The following SEPTIN9 variants were observed in gnomAD, a reference collection of about 807,000 sequenced individuals.
SEPTIN9 encodes septin-9.
In SEPTIN9, 13 loss-of-function variants were observed where a neutral mutation model predicts 56.6. The ratio of observed to expected loss-of-function variants is 0.23; its 90% CI spans 0.15 to 0.37. The LOEUF (loss-of-function observed/expected upper bound fraction) is 0.37. SEPTIN9 is among the 10% of genes least tolerant of loss of function. The pLI is 1.00. For missense variants in SEPTIN9, 650 were observed against 823.1 expected (o/e 0.79, Z 2.57); for synonymous variants, 332 against 334.1 (o/e 0.99, Z 0.07).
rs2032788225 is a variant in SEPTIN9 at position 77,318,570 on chromosome 17, G to T, written c.76+11373G>T. ...CCCAGCCTCCCACCTCGGCTGAGAT[G>T]CTGTCCCCACCTCCCTCACTGTCTG... On this transcript the variant is annotated intron_variant, in intron 2 of 11. Coordinates refer to ENST00000427177, the MANE Select transcript of SEPTIN9 (RefSeq NM_001113491.2). The surrounding 1 kb of genome is among the most constrained non-coding windows in gnomAD (Gnocchi z 4.9). Among the ~76,000 whole-genome samples the T allele has an allele frequency of 6.6e-6, 1 of 152,094 alleles. No individual in the cohort carries two copies. The highest frequency in any genetic ancestry group is 2.1e-4 in the South Asian group (1 of 4,834).
chr17:77,452,376 T>C (rs1179681700), intron 3 of SEPTIN9, among the ~76,000 whole-genome samples: 1 of 152,234 alleles, frequency 6.6e-6, no homozygotes, highest in Non-Finnish European at 1.5e-5. Flanking sequence ...CATCTGCTCC[T>C]GAAACGCCGT....
chr17:77,380,115 C>CGAG (rs2035083548), intron 2 of SEPTIN9: 1 of 169,482 alleles, frequency 5.9e-6, no homozygotes, highest in Non-Finnish European at 1.3e-5. Flanking sequence ...TGCAGAGCCC[C>CGAG]GAGGCTCCGT....
chr17:77,394,784 T>TTAAC (rs1026190307), intron 2 of SEPTIN9, among the ~76,000 whole-genome samples: 1 of 152,222 alleles, frequency 6.6e-6, no homozygotes, highest in Non-Finnish European at 1.5e-5. Flanking sequence ...AGCAGGGGCC[T>TTAAC]TAACAATGGT....
intron 11 of SEPTIN9, chr17:77,497,668 T>C (rs2040328419): frequency 2.0e-6 from 1 of 505,968 alleles, no homozygotes; most frequent in Non-Finnish European, 3.6e-6. Context: ...AAGGGCCCAG[T>C]GAGGCCTCAT....
At chr17:77,384,842 AACACACACAC>A (rs146495461) in intron 2 of SEPTIN9, among the ~76,000 whole-genome samples, 2,109 of 142,078 alleles carry the variant, frequency 0.015, 34 homozygotes, top group African/African-American at 0.038. Context: ...AACCTGTTTA[AACACACACAC>A]ACACACACAC....
At chr17:77,332,093 T>C (rs2033388123) in intron 2 of SEPTIN9, among the ~76,000 whole-genome samples, 2 of 151,892 alleles carry the variant, frequency 1.3e-5, no homozygotes, top group Non-Finnish European at 2.9e-5. Context: ...CCGGGCAATA[T>C]AGTGAGATCC....
At position 77,400,485 on chromosome 17, in the gene SEPTIN9, GGA is replaced by G. The variant is rs2035862385; in HGVS notation, c.77-1572_77-1571del. On this transcript the variant is annotated intron_variant, in intron 2 of 11. Transcript: ENST00000427177. This position sits in a 1 kb window ranked among gnomAD's most constrained non-coding sequence, Gnocchi z 4.1. ...CTGTGGCTTAGAGAGGGCGCCCACA[GGA>G]GTGCCTTGCCCAGGAAGCTGGCAGC... is the stretch of plus-strand genomic sequence containing the variant. 1 of 152,170 alleles carries G rather than the reference GGA, an allele frequency of 6.6e-6. No individual in the cohort carries two copies. Among genetic ancestry groups the G allele is most frequent in the Non-Finnish European group, 1.5e-5 (1 of 68,044 alleles). 9.4% of individuals were successfully genotyped at this position (152,170 alleles called of 1,614,324 possible). A position where few individuals can be genotyped will look rare whatever the true frequency, so the allele number is the denominator to read the frequency against.
At chr17:77,420,600 A>G (rs541764110) in intron 3 of SEPTIN9, among the ~76,000 whole-genome samples, 67 of 152,098 alleles carry the variant, frequency 4.4e-4, no homozygotes, top group Non-Finnish European at 8.7e-4. Flanking sequence ...CCTGGTGGAC[A>G]GTCCTTTAGA....
At chr17:77,432,052 C>A (rs1363373660) in intron 3 of SEPTIN9, among the ~76,000 whole-genome samples, 1 of 151,970 alleles carries the variant, frequency 6.6e-6, no homozygotes, top group Admixed American at 6.6e-5. Flanking sequence ...GGGTGGGGGG[C>A]AGCAGGGGGG....
intron 3 of SEPTIN9, among the ~76,000 whole-genome samples, chr17:77,477,207 C>T (rs2039251241): frequency 1.3e-5 from 2 of 151,920 alleles, no homozygotes; most frequent in Admixed American, 6.6e-5. Context: ...TCAGAAAGCA[C>T]AGTTGAGTGG....
intron 3 of SEPTIN9, among the ~76,000 whole-genome samples, chr17:77,459,357 C>T (rs1202129615): frequency 1.3e-5 from 2 of 152,224 alleles, no homozygotes; most frequent in Admixed American, 6.5e-5. Flanking sequence ...CGCACATTCA[C>T]CCAGCAGTGC....
chr17:77,309,856 A>G (rs2032417825), intron 2 of SEPTIN9, among the ~76,000 whole-genome samples: 2 of 152,194 alleles, frequency 1.3e-5, no homozygotes, highest in Non-Finnish European at 1.5e-5. Flanking sequence ...GTGTAGCCGC[A>G]GCCCTGGGTG....
chr17:77,294,974 G>A (rs892691821), intron 1 of SEPTIN9: 6 of 152,140 alleles, frequency 3.9e-5, no homozygotes, highest in African/African-American at 1.2e-4. Flanking sequence ...ACTATACATG[G>A]AAATAAATGG....
In SEPTIN9 at chr17:77,462,834, G is replaced by T. The variant is rs1230466832; in HGVS notation, c.722-19310G>T. The stretch of plus-strand genomic sequence containing the variant: ...TTTTTGTATTTTTAGTAGGGATGGG[G>T]TTTTACCATGTTGGCCAGGCTGTTC... On this transcript the variant is annotated intron_variant, in intron 3 of 11. Transcript: ENST00000427177. Among the ~76,000 whole-genome samples, 3 of 152,118 alleles carry T rather than the reference G, an allele frequency of 2.0e-5. No individual in the cohort carries two copies. In the East Asian group the frequency reaches 5.8e-4, roughly 29 times the overall value.
chr17:77,332,472 A>G (rs1466972387), intron 2 of SEPTIN9, among the ~76,000 whole-genome samples: 1 of 152,188 alleles, frequency 6.6e-6, no homozygotes, highest in African/African-American at 2.4e-5. Flanking sequence ...ACATCCTGTC[A>G]ACACCTCAGT....
At chr17:77,292,674 A>G (rs2031619234) in intron 1 of SEPTIN9, among the ~76,000 whole-genome samples, 1 of 151,802 alleles carries the variant, frequency 6.6e-6, no homozygotes, top group South Asian at 2.1e-4. Context: ...TGGTATTTTT[A>G]GTAGAGACGG....
chr17:77,418,772 G>A (rs900909753), intron 3 of SEPTIN9, among the ~76,000 whole-genome samples: 8 of 152,168 alleles, frequency 5.3e-5, no homozygotes, highest in Non-Finnish European at 7.4e-5. Flanking sequence ...AGCTGGTGAC[G>A]GGGGACCTTT....
Position 77,436,056 on chromosome 17 carries a change from C to T in SEPTIN9, c.721+33353C>T, listed in dbSNP as rs571680305. ...GTGTGTTTATGCATGGGTACTTTGCCATCCACACTGGCTTCCACGGCTGGG... is the reference window on the plus strand; with the variant it reads ...GTGTGTTTATGCATGGGTACTTTGCTATCCACACTGGCTTCCACGGCTGGG... On this transcript the variant is annotated intron_variant, in intron 3 of 11. Coordinates refer to ENST00000427177, the MANE Select transcript of SEPTIN9 (RefSeq NM_001113491.2). The surrounding 1 kb of genome is among the most constrained non-coding windows in gnomAD (Gnocchi z 4.4). Among the ~76,000 whole-genome samples the T allele has an allele frequency of 2.0e-5, 3 of 152,326 alleles. No individual in the cohort carries two copies. Among genetic ancestry groups the T allele is most frequent in the Admixed American group, 6.5e-5 (1 of 15,304 alleles).
chr17:77,436,259 G>A lies in SEPTIN9; in HGVS notation c.721+33556G>A, dbSNP rs993054870. ...GGAACAGAGAGGCCTTATCTTCAGA[G>A]GAAGGGGTGGGCGGGGACACAGCGC... On this transcript the variant is annotated intron_variant, in intron 3 of 11. Transcript: ENST00000427177. This position sits in a 1 kb window ranked among gnomAD's most constrained non-coding sequence, Gnocchi z 4.4. Among the ~76,000 whole-genome samples the A allele has an allele frequency of 5.9e-5, 9 of 152,228 alleles. No individual in the cohort carries two copies. The highest frequency in any genetic ancestry group is 2.2e-4 in the African/African-American group (9 of 41,460).
Sources: gnomAD v4.1 joint callset for allele counts (sites outside exome capture counted in the v4.1 genomes callset) on GRCh38, gnomAD v4.1.1 for gene constraint, Gnocchi (gnomAD v3.1) non-coding constraint, MANE v1.5 for transcripts, NCBI Gene and HGNC (gene_info 2026-07-23, HGNC 2026-07-21) for gene names.